The following FRMD4B variants were observed in gnomAD, a reference collection of about 807,000 sequenced individuals.
The protein encoded by FRMD4B is FERM domain-containing protein 4B.
FRMD4B carries 74 observed loss-of-function variants against 141.5 expected under a neutral mutation model. The ratio of observed to expected loss-of-function variants is 0.52; its 90% CI spans 0.43 to 0.63. The LOEUF (loss-of-function observed/expected upper bound fraction) is 0.63. FRMD4B is among the 30% of genes least tolerant of loss of function. FRMD4B has a pLI of 0.00. For synonymous variants in FRMD4B, 506 were observed against 467.9 expected (o/e 1.08, Z -1.05); for missense variants, 1,366 against 1,253.4 (o/e 1.09, Z -1.36).
intron 1 of FRMD4B, among the ~76,000 whole-genome samples, chr3:69,323,606 G>GTATA (rs1702083263): frequency 1.4e-5 from 1 of 72,626 alleles, no homozygotes; most frequent in South Asian, 5.0e-4. Flanking sequence ...CTCTCTCTCT[G>GTATA]TGTATATATA....
chr3:69,480,300 C>T (rs1235849975), intron 1 of FRMD4B, among the ~76,000 whole-genome samples: 2 of 152,146 alleles, frequency 1.3e-5, no homozygotes, highest in African/African-American at 2.4e-5. Flanking sequence ...TTAGAGTTTC[C>T]AGTTTTTCTG....
chr3:69,272,021 T>A (rs1274735170), intron 5 of FRMD4B, among the ~76,000 whole-genome samples: 1 of 152,180 alleles, frequency 6.6e-6, no homozygotes, highest in East Asian at 1.9e-4. Context: ...AGTAATGATT[T>A]CTTCTTCTTT....
chr3:69,432,233 G>A (rs1421667342), intron 2 of FRMD4B, among the ~76,000 whole-genome samples: 1 of 152,124 alleles, frequency 6.6e-6, no homozygotes, highest in African/African-American at 2.4e-5. Context: ...GACTTAAGCT[G>A]GTGAAGCTGT....
chr3:69,480,444 C>T (rs1353513474), intron 1 of FRMD4B, among the ~76,000 whole-genome samples: 1 of 152,152 alleles, frequency 6.6e-6, no homozygotes, highest in Non-Finnish European at 1.5e-5. Flanking sequence ...CCTCAGCTGC[C>T]AGTCTGTTGG....
chr3:69,503,413 T>C (rs1445742382), intron 1 of FRMD4B, among the ~76,000 whole-genome samples: 2 of 151,642 alleles, frequency 1.3e-5, no homozygotes, highest in Non-Finnish European at 2.9e-5. Flanking sequence ...GAAACCATCA[T>C]TCTCAGCAAA....
At chr3:69,531,585 C>T (rs1450126971) in intron 1 of FRMD4B, among the ~76,000 whole-genome samples, 1 of 152,204 alleles carries the variant, frequency 6.6e-6, no homozygotes, top group Non-Finnish European at 1.5e-5. Context: ...GCATTGTAGG[C>T]TCTGCAAGAT....
At chr3:69,380,677 C>T (rs895934888) in intron 1 of FRMD4B, among the ~76,000 whole-genome samples, 2 of 152,150 alleles carry the variant, frequency 1.3e-5, no homozygotes, top group African/African-American at 4.8e-5. Flanking sequence ...TATGCTACCC[C>T]CTCAGGGACA....
chr3:69,310,398 A>T, intron 3 of FRMD4B: 1 of 449,488 alleles, frequency 2.2e-6, no homozygotes, highest in Non-Finnish European at 4.5e-6. Flanking sequence ...AACATATTTT[A>T]TGTCTGGAAC....
intron 7 of FRMD4B, among the ~76,000 whole-genome samples, chr3:69,246,377 GC>G (rs1444512909): frequency 2.0e-5 from 3 of 152,104 alleles, no homozygotes; most frequent in Non-Finnish European, 4.4e-5. Context: ...AACTGATTGA[GC>G]CAGGAGGTGG....
At chr3:69,520,004 A>G (rs1700825968) in intron 1 of FRMD4B, among the ~76,000 whole-genome samples, 1 of 71,470 alleles carries the variant, frequency 1.4e-5, no homozygotes, top group East Asian at 5.3e-4. Context: ...TTCCATATAT[A>G]TATATATATA....
At chr3:69,175,470 C>T (rs899242869) in intron 22 of FRMD4B, among the ~76,000 whole-genome samples, 3 of 152,166 alleles carry the variant, frequency 2.0e-5, no homozygotes, top group Admixed American at 2.0e-4. Context: ...CTTTTACAGA[C>T]AAACAGGACA....
rs778710690 is a variant in FRMD4B at position 69,381,345 on chromosome 3, T to C, written c.162+4483A>G. ...TGTTGGCAAATACCTTATGAATAGG[T>C]GGGAGATCTTGTTTCACTTATAGTA... On this transcript the variant is annotated intron_variant, in intron 1 of 22. Coordinates refer to ENST00000398540, the MANE Select transcript of FRMD4B (RefSeq NM_015123.3). Among the ~76,000 whole-genome samples, 169 of 152,292 alleles carry C rather than the reference T, an allele frequency of 1.1e-3. 2 individuals are homozygous for C. Among genetic ancestry groups the C allele is most frequent in the Middle Eastern group, 0.01 (3 of 294 alleles).
chr3:69,373,608 C>G (rs1245268426), intron 1 of FRMD4B, among the ~76,000 whole-genome samples: 1 of 152,138 alleles, frequency 6.6e-6, no homozygotes, highest in Non-Finnish European at 1.5e-5. Flanking sequence ...CATGGTGGCT[C>G]ATGCCTGTAA....
At chr3:69,438,669 C>T (rs1705297501) in intron 1 of FRMD4B, among the ~76,000 whole-genome samples, 1 of 152,034 alleles carries the variant, frequency 6.6e-6, no homozygotes, top group Non-Finnish European at 1.5e-5. Flanking sequence ...AAAAAGTGGT[C>T]ACACACTCTT....
intron 1 of FRMD4B, among the ~76,000 whole-genome samples, chr3:69,324,748 G>C (rs1399562021): frequency 6.6e-6 from 1 of 152,226 alleles, no homozygotes; most frequent in Non-Finnish European, 1.5e-5. Context: ...TGAGTTCTAA[G>C]CATGTGCAAA....
rs74390708 is a variant in FRMD4B, at chr3:69,507,064, G to A, written c.-129+35142C>T. On this transcript the variant is annotated intron_variant, in intron 1 of 5. Transcript: ENST00000459638. ...CATAGAGATTCTAATATAGGGATGT[G>A]TATTCTGAAGCCCCAAGATGGGCGA... Among the ~76,000 whole-genome samples the A allele has an allele frequency of 1.4e-3, 207 of 152,270 alleles. 4 individuals carry two copies. In the East Asian group the frequency reaches 0.039, roughly 29 times the overall value.
chr3:69,195,315 A>T lies in FRMD4B; in HGVS notation c.1284T>A (p.Leu428=). Residue 428 remains leucine (L), a synonymous_variant, in exon 15 of 23, where the codon CTT becomes CTA. Coordinates refer to ENST00000398540, the MANE Select transcript of FRMD4B (RefSeq NM_015123.3). Reference sequence around the variant, plus strand: ...ATAGTTTCTCCTTCTTCTTTAGTTCAAGGATTTTTTCTCTCTTTTGCTCTT... The same window carrying T: ...ATAGTTTCTCCTTCTTCTTTAGTTCTAGGATTTTTTCTCTCTTTTGCTCTT... ...VSEEQKREKI[L]ELKKKEKLLQ... The T allele has an allele frequency of 1.9e-6, 3 of 1,613,164 alleles. No homozygotes were observed. The highest frequency in any genetic ancestry group is 2.5e-6 in the Non-Finnish European group (3 of 1,179,466).
chr3:69,357,290 A>T (rs1378384893), intron 1 of FRMD4B, among the ~76,000 whole-genome samples: 2 of 152,242 alleles, frequency 1.3e-5, no homozygotes, highest in African/African-American at 4.8e-5. Flanking sequence ...CCAACTTGAA[A>T]CAAATGTTCT....
intron 1 of FRMD4B, among the ~76,000 whole-genome samples, chr3:69,346,518 A>C (rs1702949205): frequency 6.6e-6 from 1 of 152,140 alleles, no homozygotes; most frequent in Non-Finnish European, 1.5e-5. Flanking sequence ...CAACTCCAAG[A>C]CACATAATTG....
Sources: gnomAD v4.1 joint callset for allele counts (sites outside exome capture counted in the v4.1 genomes callset) on GRCh38, gnomAD v4.1.1 for gene constraint, MANE v1.5 for transcripts, NCBI Gene and HGNC (gene_info 2026-07-23, HGNC 2026-07-21) for gene names.